FBXL2: variants seen among roughly 807,000 people sequenced by gnomAD.
FBXL2 encodes the protein F-box/LRR-repeat protein 2.
Under a neutral mutation model 69.2 loss-of-function variants are expected in FBXL2, and 38 were observed. That is an observed-to-expected ratio of 0.55 (90% confidence interval 0.42 to 0.72). FBXL2 has a LOEUF of 0.72. Among genes scored for constraint, FBXL2 ranks in the 30% least tolerant of loss-of-function variants. The pLI is 0.00. For synonymous variants in FBXL2, 192 were observed against 201.3 expected, an observed-to-expected ratio of 0.95 and a Z score of 0.39; for missense variants, 354 against 520.3, an observed-to-expected ratio of 0.68 and a Z score of 3.11.
chr3:33,370,934 AT>A (rs2042257717), intron 5 of FBXL2, among the ~76,000 whole-genome samples: 1 of 150,780 alleles, frequency 6.6e-6, no homozygotes, highest in Non-Finnish European at 1.5e-5. Context: ...TTTCTTCAGT[AT>A]TTTTTCCTTC....
chr3:33,299,027 T>TTTTATTTATTTGTTTA (rs1695294700), intron 2 of FBXL2, among the ~76,000 whole-genome samples: 1 of 146,092 alleles, frequency 6.8e-6, no homozygotes, highest in Admixed American at 6.9e-5. Context: ...ATTTTTTTAA[T>TTTTATTTATTTGTTTA]TTTATTTATT....
intron 12 of FBXL2, among the ~76,000 whole-genome samples, chr3:33,399,581 T>A (rs1435401137): frequency 2.0e-5 from 3 of 152,210 alleles, no homozygotes; most frequent in African/African-American, 7.2e-5. Context: ...ATTGCATTTA[T>A]ATAACATTCT....
At chr3:33,394,742 G>GT (rs2043902100) in intron 12 of FBXL2, among the ~76,000 whole-genome samples, 1 of 150,106 alleles carries the variant, frequency 6.7e-6, no homozygotes, top group South Asian at 2.1e-4. Flanking sequence ...TAAAATTACA[G>GT]TAAGAATATA....
At chr3:33,373,795 A>T in intron 8 of FBXL2, 52 bp from the exon 9 acceptor site, 2 of 1,613,740 alleles carry the variant, frequency 1.2e-6, no homozygotes, top group South Asian at 1.1e-5. Flanking sequence ...TTGGTGTCCC[A>T]CTGTTCCCTC....
chr3:33,365,233 A>G (rs1007687933), intron 5 of FBXL2, among the ~76,000 whole-genome samples: 1 of 151,896 alleles, frequency 6.6e-6, no homozygotes, highest in African/African-American at 2.4e-5. Flanking sequence ...TATATCCTAT[A>G]CAACCAAATA....
intron 2 of FBXL2, among the ~76,000 whole-genome samples, chr3:33,342,652 G>A (rs1317173341): frequency 1.6e-5 from 2 of 128,290 alleles, no homozygotes; most frequent in African/African-American, 2.9e-5. Flanking sequence ...ACCAAATGCA[G>A]AATAAAATTA....
At chr3:33,418,860 CAAAAAAA>C in the FBXL2 span, among the ~76,000 whole-genome samples, 4 of 76,768 alleles carry the variant, frequency 5.2e-5, no homozygotes, top group South Asian at 9.4e-4. Context: ...ACTCTGTCTC[CAAAAAAA>C]AAAAAAAAAA....
intron 12 of FBXL2, chr3:33,396,254 T>C: frequency 6.3e-7 from 1 of 1,586,588 alleles, no homozygotes; most frequent in Non-Finnish European, 8.6e-7. Flanking sequence ...CCGGCAGACA[T>C]AGATGGTTAA....
intron 12 of FBXL2, among the ~76,000 whole-genome samples, chr3:33,401,264 GT>G (rs1271186514): frequency 6.6e-6 from 1 of 152,116 alleles, no homozygotes; most frequent in African/African-American, 2.4e-5. Flanking sequence ...AGAAATTCAA[GT>G]TTTGTGAAAC....
At chr3:33,358,102 A>G (rs1014982675) in intron 2 of FBXL2, among the ~76,000 whole-genome samples, 4 of 152,000 alleles carry the variant, frequency 2.6e-5, no homozygotes, top group Non-Finnish European at 4.4e-5. Flanking sequence ...CGCCATCTTA[A>G]CCACTCTCCC....
intron 5 of FBXL2, among the ~76,000 whole-genome samples, chr3:33,371,216 G>C (rs1425774198): frequency 6.7e-6 from 1 of 148,546 alleles, no homozygotes; most frequent in Non-Finnish European, 1.5e-5. Flanking sequence ...CCAGGCTAGA[G>C]TGTAGTGGTG....
intron 2 of FBXL2, among the ~76,000 whole-genome samples, chr3:33,321,181 A>G (rs1257211351): frequency 2.0e-5 from 3 of 151,832 alleles, no homozygotes; most frequent in Non-Finnish European, 4.4e-5. Context: ...ATGGTGGCAC[A>G]TACCTGTAAT....
chr3:33,321,554 CAG>C (rs2038221586), intron 2 of FBXL2, among the ~76,000 whole-genome samples: 1 of 152,140 alleles, frequency 6.6e-6, no homozygotes, highest in Non-Finnish European at 1.5e-5. Flanking sequence ...TTCTTTTATA[CAG>C]TTAATGTGTC....
chr3:33,325,865 C>G (rs1016518804), intron 2 of FBXL2, among the ~76,000 whole-genome samples: 4 of 152,012 alleles, frequency 2.6e-5, no homozygotes, highest in African/African-American at 9.7e-5. Context: ...AATTTCTATT[C>G]TCTACCAAAA....
intron 12 of FBXL2, among the ~76,000 whole-genome samples, chr3:33,394,640 G>C (rs1034231879): frequency 6.6e-6 from 1 of 152,044 alleles, no homozygotes; most frequent in African/African-American, 2.4e-5. Flanking sequence ...ACATGGATCA[G>C]GAATATCATT....
chr3:33,293,166 T>C (rs2035413947), intron 1 of FBXL2, among the ~76,000 whole-genome samples: 1 of 152,180 alleles, frequency 6.6e-6, no homozygotes, highest in Non-Finnish European at 1.5e-5. Context: ...GAGAAGTGGT[T>C]TTATAATAGT....
the FBXL2 span, among the ~76,000 whole-genome samples, chr3:33,412,166 AAC>A: frequency 6.7e-6 from 1 of 148,552 alleles, no homozygotes; most frequent in Non-Finnish European, 1.5e-5. Context: ...CAGCCTGGGC[AAC>A]AGAGCGAAAC....
chr3:33,277,719 G>C (rs1473806581), intron 1 of FBXL2, among the ~76,000 whole-genome samples: 2 of 152,078 alleles, frequency 1.3e-5, no homozygotes, highest in African/African-American at 4.8e-5. Context: ...CGCCTGCCGG[G>C]GGGCGACCGC....
At chr3:33,343,088 T>C (rs938269271) in intron 2 of FBXL2, among the ~76,000 whole-genome samples, 2 of 151,880 alleles carry the variant, frequency 1.3e-5, no homozygotes, top group Admixed American at 1.3e-4. Context: ...TTTTTGCTTA[T>C]ATGCATGTTA....
Sources: allele counts gnomAD v4.1 joint callset (sites outside exome capture counted in the v4.1 genomes callset), GRCh38; gene constraint gnomAD v4.1.1; transcripts MANE v1.5; gene names NCBI Gene and HGNC (gene_info 2026-07-23, HGNC 2026-07-21).